The following NUP93 variants were observed in gnomAD, a reference collection of about 807,000 sequenced individuals.
NUP93 encodes nucleoporin 93.
A neutral mutation model predicts 107.8 loss-of-function variants in NUP93; 55 were observed. The ratio of observed to expected loss-of-function variants is 0.51; its 90% CI spans 0.41 to 0.64. The LOEUF (loss-of-function observed/expected upper bound fraction) is 0.64. NUP93 is among the 30% of genes least tolerant of loss of function. The pLI is 0.00. For synonymous variants in NUP93, 390 were observed against 397.5 expected, an observed-to-expected ratio of 0.98 and a Z score of 0.22; for missense variants, 937 against 1,044.7, an observed-to-expected ratio of 0.90 and a Z score of 1.42.
chr16:56,773,975 A>G (rs2144508270), intron 3 of NUP93, among the ~76,000 whole-genome samples: 1 of 152,322 alleles, frequency 6.6e-6, no homozygotes, highest in South Asian at 2.1e-4. Context: ...AAACATATAT[A>G]TTTAAAAACT....
chr16:56,767,712 A>G (rs1383551124), intron 3 of NUP93, among the ~76,000 whole-genome samples: 2 of 152,194 alleles, frequency 1.3e-5, no homozygotes, highest in Non-Finnish European at 2.9e-5. Flanking sequence ...CTCTTCTTCT[A>G]GTAGGTTCTC....
chr16:56,828,241 G>A (rs1963709890), intron 8 of NUP93, among the ~76,000 whole-genome samples: 1 of 147,204 alleles, frequency 6.8e-6, no homozygotes, highest in African/African-American at 2.5e-5. Flanking sequence ...GACAAAAATA[G>A]TGGTAGAATT....
At chr16:56,842,380 C>T (rs577902339) in intron 21 of NUP93, among the ~76,000 whole-genome samples, 2 of 152,274 alleles carry the variant, frequency 1.3e-5, no homozygotes, top group East Asian at 3.9e-4. Flanking sequence ...CTGGGTCTCT[C>T]TGACACCTGT....
At chr16:56,823,915 A>C in intron 8 of NUP93, 69 bp downstream of exon 8, 1 of 1,567,430 alleles carries the variant, frequency 6.4e-7, no homozygotes, top group South Asian at 1.1e-5. Context: ...TCAGATCTTA[A>C]GTTGTCCTCA....
chr16:56,830,514 T>C lies in NUP93; in HGVS notation c.928-14T>C, dbSNP rs763356205. The C allele has an allele frequency of 1.0e-5, 16 of 1,558,842 alleles. No individual in the cohort carries two copies. Among genetic ancestry groups the C allele is most frequent in the Admixed American group, 1.8e-5 (1 of 55,360 alleles). On this transcript the variant is annotated splice_polypyrimidine_tract_variant and intron_variant, in intron 9 of 21. Transcript: ENST00000308159. ...TCCTTGTTTATTTTGAGCACTTAAC[T>C]GTTCCTCTTTTAGGATGGAGAGGTG...
chr16:56,762,124 G>A (rs1454161955), intron 3 of NUP93, among the ~76,000 whole-genome samples: 1 of 152,124 alleles, frequency 6.6e-6, no homozygotes, highest in Admixed American at 6.5e-5. Flanking sequence ...TGGTGCTTGG[G>A]AGTATGCGTC....
chr16:56,779,632 T>A (rs1161369310), intron 3 of NUP93, among the ~76,000 whole-genome samples: 2 of 152,176 alleles, frequency 1.3e-5, no homozygotes, highest in African/African-American at 4.8e-5. Context: ...CAGAGGTCCT[T>A]TCCAGCCAGC....
chr16:56,743,609 A>C (rs929998878), intron 1 of NUP93, among the ~76,000 whole-genome samples: 11 of 151,946 alleles, frequency 7.2e-5, no homozygotes, highest in Non-Finnish European at 1.3e-4. Context: ...TGGGGCGGGG[A>C]GCTTTTTATT....
At chr16:56,749,621 G>A (rs1282057742) in intron 2 of NUP93, among the ~76,000 whole-genome samples, 2 of 152,218 alleles carry the variant, frequency 1.3e-5, no homozygotes, top group African/African-American at 4.8e-5. Flanking sequence ...GACATCGTCT[G>A]CTCTAAGCAT....
chr16:56,768,559 G>A (rs1329594371), intron 3 of NUP93, among the ~76,000 whole-genome samples: 2 of 147,060 alleles, frequency 1.4e-5, no homozygotes, highest in African/African-American at 5.0e-5. Context: ...GCAAAACTCT[G>A]TCTCAAAAAA....
intron 1 of NUP93, among the ~76,000 whole-genome samples, chr16:56,746,711 A>G (rs192427288): frequency 3.9e-5 from 6 of 152,352 alleles, no homozygotes; most frequent in African/African-American, 1.4e-4. Flanking sequence ...ATTTGCCAAC[A>G]TGGCAAAACC....
chr16:56,778,106 A>G (rs915705896), intron 3 of NUP93, among the ~76,000 whole-genome samples: 2 of 152,238 alleles, frequency 1.3e-5, no homozygotes, highest in East Asian at 1.9e-4. Flanking sequence ...AGTGACGGAC[A>G]GACTGAATGA....
rs188674982 is a variant in NUP93, at chr16:56,743,125, A to C, written c.-14-5109A>C. Among the ~76,000 whole-genome samples, 528 of 152,356 alleles carry C rather than the reference A, an allele frequency of 3.5e-3. 1 individual carries two copies. The highest frequency in any genetic ancestry group is 5.0e-3 in the Non-Finnish European group (343 of 68,030). On this transcript the variant is annotated intron_variant, in intron 1 of 21. Coordinates refer to ENST00000308159, the MANE Select transcript of NUP93 (RefSeq NM_014669.5). ...CTCTTTCTAGCTCGATTAAATATTT[A>C]ACATAGTTATTATATTCAGAATGTG...
rs1333347412 is a variant in NUP93 at position 56,740,310 on chromosome 16, G to A, written c.-14-7924G>A. 4.7e-5 allele frequency among the ~76,000 whole-genome samples: 7 copies of A among 149,534 alleles called. No individual in the cohort carries two copies. The East Asian group carries it at 8.0e-4, about 17-fold the overall frequency. ...CAGAGGGTCTCCTCACTTCTCAGAC[G>A]GGGCGGCCGGGCAGAGACGCTCCTC... On this transcript the variant is annotated intron_variant, in intron 1 of 21. Transcript: ENST00000308159.
intron 1 of NUP93, among the ~76,000 whole-genome samples, chr16:56,733,054 C>G (rs1245837106): frequency 6.6e-6 from 1 of 152,038 alleles, no homozygotes; most frequent in Non-Finnish European, 1.5e-5. Flanking sequence ...CCCCATGTGA[C>G]AAGATAGGGT....
intron 3 of NUP93, chr16:56,783,602 G>T: frequency 1.0e-6 from 1 of 985,448 alleles, no homozygotes; most frequent in Non-Finnish European, 1.2e-6. Context: ...CCCTTTGTCT[G>T]AAGTGGGTGG....
intron 17 of NUP93, 71 bp downstream of exon 17, chr16:56,836,788 A>C: frequency 4.2e-6 from 4 of 957,304 alleles, no homozygotes; most frequent in Non-Finnish European, 6.7e-6. Context: ...ATGTGCAGCC[A>C]CTTGGACAGT....
intron 17 of NUP93, among the ~76,000 whole-genome samples, chr16:56,837,337 C>T (rs1021640881): frequency 4.6e-5 from 7 of 152,146 alleles, no homozygotes; most frequent in Admixed American, 2.0e-4. Flanking sequence ...CCAAGGCAGG[C>T]GCATCACTTG....
At chr16:56,757,113 T>C (rs1327034264) in intron 2 of NUP93, among the ~76,000 whole-genome samples, 4 of 152,220 alleles carry the variant, frequency 2.6e-5, no homozygotes, top group Admixed American at 6.5e-5. Flanking sequence ...TCTGTTGCTG[T>C]AGTATTTATT....
Sources: allele counts gnomAD v4.1 joint callset (sites outside exome capture counted in the v4.1 genomes callset), GRCh38; gene constraint gnomAD v4.1.1; transcripts MANE v1.5; gene names NCBI Gene and HGNC (gene_info 2026-07-23, HGNC 2026-07-21).